Variants in NCOR2 observed in about 807,000 individuals in gnomAD.
NCOR2 encodes the protein CTG repeat protein 26.
A neutral mutation model predicts 262.9 loss-of-function variants in NCOR2; 81 were observed. That is an observed-to-expected ratio of 0.31 (90% CI 0.26 to 0.37). NCOR2 has a LOEUF of 0.37. Ranked by LOEUF, NCOR2 falls within the 10% of genes least tolerant of loss-of-function variation. NCOR2 has a pLI of 1.00. For missense variants in NCOR2, 3,385 were observed against 3,621.4 expected, an observed-to-expected ratio of 0.93 and a Z score of 1.68; for synonymous variants, 1,659 against 1,559.3, an observed-to-expected ratio of 1.06 and a Z score of -1.51.
intron 14 of NCOR2, among the ~76,000 whole-genome samples, chr12:124,401,220 A>C (rs1038885994): frequency 2.0e-5 from 3 of 151,800 alleles, no homozygotes; most frequent in African/African-American, 7.3e-5. Context: ...CAAAAAAAAA[A>C]AAAAGAAAAA....
At chr12:124,347,538 G>T in intron 30 of NCOR2, 1 of 411,478 alleles carries the variant, frequency 2.4e-6, no homozygotes, top group Non-Finnish European at 4.4e-6. Flanking sequence ...TCTGTAAAAC[G>T]ATACGCAGGT....
Position 124,432,143 on chromosome 12 carries a change from GACAA to G in NCOR2, c.883-1360_883-1357del, listed in dbSNP as rs1415449960. Among the ~76,000 whole-genome samples the G allele has an allele frequency of 6.6e-6, 1 of 151,832 alleles. No individual in the cohort carries two copies. Among genetic ancestry groups the G allele is most frequent in the African/African-American group, 2.4e-5 (1 of 41,308 alleles). On this transcript the variant is annotated intron_variant, in intron 8 of 46. Coordinates refer to ENST00000405201, the Ensembl canonical transcript of NCOR2. The surrounding 1 kb of genome is among the most constrained non-coding windows in gnomAD (Gnocchi z 5.1). The stretch of plus-strand genomic sequence containing the variant: ...ACAGACACACACACAGTCGCAGGCA[GACAA>G]ACAGATGCACACACAGGGTCTCGCA...
intron 1 of NCOR2, among the ~76,000 whole-genome samples, chr12:124,559,810 A>T (rs1042613503): frequency 5.3e-5 from 8 of 152,232 alleles, no homozygotes; most frequent in African/African-American, 1.9e-4. Flanking sequence ...GCTTCCTAGT[A>T]GCCAAAGCAA....
upstream of NCOR2, chr12:124,495,479 G>A: frequency 1.3e-6 from 1 of 755,738 alleles, no homozygotes. The surrounding 1 kb of genome is among the most constrained non-coding windows in gnomAD (Gnocchi z 4.4). Flanking sequence ...CGAGCACCCA[G>A]GGGCCTGCCT....
intron 13 of NCOR2, among the ~76,000 whole-genome samples, chr12:124,402,812 T>C (rs886779639): frequency 1.3e-5 from 2 of 152,102 alleles, no homozygotes; most frequent in African/African-American, 4.8e-5. Context: ...GAAGCATTGG[T>C]GTCAGAAGTG....
intron 1 of NCOR2, among the ~76,000 whole-genome samples, chr12:124,491,169 GT>G (rs5801553): frequency 0.68 from 102,991 of 152,240 alleles, 35,742 homozygotes; most frequent in East Asian, 0.88. Context: ...TACAGAGAAG[GT>G]TGTGCTCACC....
intron 5 of NCOR2, among the ~76,000 whole-genome samples, chr12:124,462,857 T>C (rs1400158554): frequency 6.6e-6 from 1 of 152,158 alleles, no homozygotes; most frequent in African/African-American, 2.4e-5. Flanking sequence ...CCTAATCACA[T>C]CATATAAACA....
chr12:124,377,916 G>A (rs73421928), intron 18 of NCOR2, among the ~76,000 whole-genome samples: 15 of 151,954 alleles, frequency 9.9e-5, no homozygotes, highest in African/African-American at 3.1e-4. Flanking sequence ...GTGAAAGACA[G>A]CAGGCACCCA....
chr12:124,494,683 G>C (rs1452759214), intron 1 of NCOR2, among the ~76,000 whole-genome samples: 1 of 152,138 alleles, frequency 6.6e-6, no homozygotes, highest in Admixed American at 6.5e-5. Context: ...CCTCACCTCA[G>C]AGCCTCGAGC....
chr12:124,528,000 G>A (rs1167421931), intron 1 of NCOR2, among the ~76,000 whole-genome samples: 2 of 152,202 alleles, frequency 1.3e-5, no homozygotes, highest in African/African-American at 2.4e-5. Flanking sequence ...ACCCTTCAGC[G>A]CAGCCTGATG....
chr12:124,469,481 G>A (rs1266523214), intron 4 of NCOR2, among the ~76,000 whole-genome samples: 1 of 152,184 alleles, frequency 6.6e-6, no homozygotes, highest in Non-Finnish European at 1.5e-5. Context: ...GAAAGGGTGG[G>A]CAGGAGGGAG....
At chr12:124,475,455 G>A (rs988125419) in intron 3 of NCOR2, among the ~76,000 whole-genome samples, 3 of 152,232 alleles carry the variant, frequency 2.0e-5, no homozygotes, top group Non-Finnish European at 4.4e-5. Context: ...GGGGCTGGAT[G>A]CCAGAGGCCG....
At chr12:124,491,754 G>A (rs1169581824) in intron 1 of NCOR2, among the ~76,000 whole-genome samples, 2 of 152,154 alleles carry the variant, frequency 1.3e-5, no homozygotes, top group Non-Finnish European at 1.5e-5. Flanking sequence ...GTTGATCTCC[G>A]GGAAAACAAA....
At chr12:124,325,906 C>A (rs371680936) in intron 46 of NCOR2, among the ~76,000 whole-genome samples, 1 of 152,190 alleles carries the variant, frequency 6.6e-6, no homozygotes, top group African/African-American at 2.4e-5. Flanking sequence ...CGCCTCCTCA[C>A]TACCCATCAA....
At chr12:124,543,579 A>G (rs1168899152) in intron 1 of NCOR2, among the ~76,000 whole-genome samples, 1 of 152,224 alleles carries the variant, frequency 6.6e-6, no homozygotes, top group Non-Finnish European at 1.5e-5. Flanking sequence ...TAGGCTTCCC[A>G]GAAACCTCGC....
chr12:124,522,314 T>C (rs568167076), intron 1 of NCOR2, among the ~76,000 whole-genome samples: 35 of 152,332 alleles, frequency 2.3e-4, no homozygotes, highest in Non-Finnish European at 4.6e-4. Flanking sequence ...TAACAAATTA[T>C]TACAAATTGG....
chr12:124,437,742 G>A (rs1310534764), intron 8 of NCOR2, among the ~76,000 whole-genome samples, 188 bp downstream of exon 10: 1 of 138,840 alleles, frequency 7.2e-6, no homozygotes, highest in African/African-American at 2.6e-5. Context: ...CACCCACCCT[G>A]GGGCCTTCTG....
At chr12:124,442,206 C>T (rs1388298716) in intron 7 of NCOR2, among the ~76,000 whole-genome samples, 3 of 152,172 alleles carry the variant, frequency 2.0e-5, no homozygotes, top group Non-Finnish European at 2.9e-5. Context: ...TGCAGTGGCT[C>T]GATCATGGCT....
At chr12:124,410,428 C>T (rs551624496) in intron 13 of NCOR2, among the ~76,000 whole-genome samples, 1 of 151,848 alleles carries the variant, frequency 6.6e-6, no homozygotes, top group African/African-American at 2.4e-5. Context: ...GTCTCCCCAC[C>T]TAGCACAAAG....
Sources: allele counts gnomAD v4.1 joint callset (sites outside exome capture counted in the v4.1 genomes callset), GRCh38; gene constraint gnomAD v4.1.1; non-coding constraint Gnocchi (gnomAD v3.1); transcripts MANE v1.5; gene names NCBI Gene and HGNC (gene_info 2026-07-23, HGNC 2026-07-21).